OBSL1: variants seen among roughly 807,000 people sequenced by gnomAD.
OBSL1 encodes obscurin-like protein 1.
In OBSL1, 160 loss-of-function variants were observed where a neutral mutation model predicts 172.0. The observed-to-expected ratio is 0.93, with a 90% CI of 0.82 to 1.06. The LOEUF (loss-of-function observed/expected upper bound fraction) is 1.06, where lower values mean the gene tolerates loss of function less well. Among genes scored for constraint, OBSL1 ranks in the 50% least tolerant of loss-of-function variants. OBSL1 has a pLI of 0.00. For missense variants in OBSL1, 2,681 were observed against 2,715.4 expected (o/e 0.99, Z 0.28); for synonymous variants, 1,200 against 1,196.3 (o/e 1.00, Z -0.06).
intron 5 of OBSL1, 45 bp downstream of exon 5, chr2:219,566,785 G>A: frequency 6.6e-7 from 1 of 1,509,628 alleles, no homozygotes; most frequent in African/African-American, 1.4e-5. Context: ...CAGGACTTCT[G>A]TGTCTTGACC....
Position 219,552,515 on chromosome 2 carries a change from A to T in OBSL1, c.5308+21T>A, listed in dbSNP as rs1311241781. 9 of 1,588,352 alleles carry T rather than the reference A, an allele frequency of 5.7e-6. No individual in the cohort carries two copies. In the South Asian group the frequency reaches 7.8e-5, roughly 14 times the overall value. ...TGGGCGGGGCAGCGAGGGGCCCGAA[A>T]GGGTAACCAGGCGGGCAGACCTTCC... is the stretch of plus-strand genomic sequence containing the variant. On this transcript the variant is annotated intron_variant, in intron 18 of 20. Coordinates refer to ENST00000404537, the MANE Select transcript of OBSL1 (RefSeq NM_015311.3).
At chr2:219,555,740 A>C in intron 14 of OBSL1, 3 of 1,333,024 alleles carry the variant, frequency 2.3e-6, no homozygotes, top group Non-Finnish European at 2.9e-6. Context: ...ACATGCCTGA[A>C]GGATGCCCAT....
In OBSL1 at chr2:219,568,024, G is replaced by A. The variant is rs1325627064; in HGVS notation, c.1282+31C>T. 17 of 1,608,814 alleles carry A rather than the reference G, an allele frequency of 1.1e-5. No individual in the cohort carries two copies. Among genetic ancestry groups the A allele is most frequent in the Admixed American group, 5.0e-5 (3 of 59,928 alleles). ...GGAATCTGAGCACCTGCCTGCCTCC[G>A]CCTCAGCCTCTTCCCCACGGGCCAG... On this transcript the variant is annotated intron_variant, in intron 2 of 20. Transcript: ENST00000404537. The surrounding 1 kb of genome is among the most constrained non-coding windows in gnomAD (Gnocchi z 4.1).
chr2:219,557,322 G>T (rs1026719624), intron 12 of OBSL1, 21 bp downstream of exon 12: 1 of 1,467,300 alleles, frequency 6.8e-7, no homozygotes, highest in Middle Eastern at 1.8e-4. Flanking sequence ...AGCCCACAGG[G>T]TGTGAGGGGT....
chr2:219,555,035 G>A (rs1695898477), intron 14 of OBSL1: 1 of 437,772 alleles, frequency 2.3e-6, no homozygotes, highest in Non-Finnish European at 4.1e-6. Context: ...GGAATTTGGA[G>A]TCAGACACAC....
chr2:219,567,040 T>C lies in OBSL1; in HGVS notation c.1924A>G (p.Ile642Val), dbSNP rs756528072. The C allele has an allele frequency of 8.7e-6, 14 of 1,613,378 alleles. No individual in the cohort carries two copies. The South Asian group carries it at 1.3e-4, about 15-fold the overall frequency. The change falls in exon 5 of 21, where the codon ATC (isoleucine) becomes GTC (valine). Residue 642 changes from isoleucine to valine, a missense_variant. By Grantham distance (29) the Ile-to-Val change is conservative. Transcript: ENST00000404537. ...DAVFSLDLST[I>V]IQGTWFLNGE... ...TTAAGGAACCAGGTACCCTGGATGA[T>C]GGTGGAGAGATCGAGGGAGAAGACG... is the stretch of plus-strand genomic sequence containing the variant.
Position 219,555,066 on chromosome 2 carries a change from AC to A in OBSL1, c.4610-327del. ...CACACTAGGAATGGAACCTCGCTCT[AC>A]CACATAGTTTGTGTGCTATGTGATC... On this transcript the variant is annotated intron_variant, in intron 14 of 20. Transcript: ENST00000404537. The A allele has an allele frequency of 2.0e-5, 7 of 354,450 alleles. No homozygotes were observed. The East Asian group carries it at 3.4e-4, about 17-fold the overall frequency. 22.0% of individuals were successfully genotyped at this position (354,450 alleles called of 1,614,324 possible). A position where few individuals can be genotyped will look rare whatever the true frequency, so the allele number is the denominator to read the frequency against.
At chr2:219,563,334 G>C (rs370776324) in intron 7 of OBSL1, 21 bp downstream of exon 7, 2 of 1,544,280 alleles carry the variant, frequency 1.3e-6, no homozygotes, top group South Asian at 2.5e-5. Flanking sequence ...CTGTGCCTCC[G>C]AGGCCCACCT....
At chr2:219,554,890 AAGG>A (rs986078912) in intron 14 of OBSL1, 150 bp from the exon 15 acceptor site, 2 of 796,570 alleles carry the variant, frequency 2.5e-6, no homozygotes, top group South Asian at 1.9e-5. Context: ...TGCAGGAAGA[AAGG>A]AGCACGGTGG....
chr2:219,557,773 ACT>A (rs1479954566), intron 11 of OBSL1, 48 bp downstream of exon 11: 2 of 1,560,568 alleles, frequency 1.3e-6, no homozygotes, highest in Non-Finnish European at 8.6e-7. Context: ...TTGGGGTGCC[ACT>A]CTCAGGCTTG....
chr2:219,547,307 C>T (rs921870430), downstream of OBSL1: 5 of 461,118 alleles, frequency 1.1e-5, no homozygotes, highest in African/African-American at 4.0e-5. Context: ...TGACCACCAA[C>T]AGCCATATCT....
chr2:219,549,499 C>T (rs1574509047), downstream of OBSL1: 67 of 1,254,828 alleles, frequency 5.3e-5, no homozygotes, highest in South Asian at 8.5e-4. Flanking sequence ...GGAGCCCATG[C>T]ACCAGGGGCT....
Position 219,557,511 on chromosome 2 carries a change from C to G in OBSL1, c.3898G>C (p.Val1300Leu). Residue 1300 changes from valine (V) to leucine (L), a missense_variant, in exon 12 of 21, where the codon GTA (valine) becomes CTA (leucine). Physicochemically the swap from Val to Leu is conservative, Grantham distance 32. Coordinates refer to ENST00000404537, the MANE Select transcript of OBSL1 (RefSeq NM_015311.3). ...CGCTCCCCGTCCTTGTACCAGCGTA[C>G]AGGGCCCCCTGGCCCGGAGAGGTGC... The part of the protein sequence containing the change: ...VVHLSGPGGP[V>L]RWYKDGERLA... The G allele has an allele frequency of 6.4e-7, 1 of 1,553,558 alleles. No homozygotes were observed. The highest frequency in any genetic ancestry group is 1.2e-5 in the South Asian group (1 of 84,252).
chr2:219,552,121 C>T lies in OBSL1; in HGVS notation c.5404G>A (p.Glu1802Lys). The T allele has an allele frequency of 6.2e-7, 1 of 1,609,782 alleles. No individual in the cohort carries two copies. Among genetic ancestry groups the T allele is most frequent in the African/African-American group, 1.3e-5 (1 of 75,038 alleles). Reference sequence around the variant, plus strand: ...CACCCCAGGTGCTTACCCTCCACTTCCAGTAGAGCCAGGGACTGGGCGGGC... The same window carrying T: ...CACCCCAGGTGCTTACCCTCCACTTTCAGTAGAGCCAGGGACTGGGCGGGC... ...AGPAQSLALL[E>K]VEALPLQMCR... Residue 1802 changes from glutamate (E) to lysine (K), a missense_variant, in exon 19 of 21, where the codon GAA becomes AAA. Physicochemically the swap from Glu to Lys is moderately conservative, Grantham distance 56. Around this residue, in one of 5 missense-constraint regions of OBSL1, gnomAD observed 1,765 missense variants for 1,748.3 expected, o/e 1.01. Coordinates refer to ENST00000404537, the MANE Select transcript of OBSL1 (RefSeq NM_015311.3).
At position 219,563,530 on chromosome 2, in the gene OBSL1, G is replaced by A. The variant is rs780150065; in HGVS notation, c.2505C>T (p.Asp835=). The change falls in exon 7 of 21, where the codon GAC becomes GAT. Residue 835 remains aspartate, a synonymous_variant. Transcript: ENST00000404537. The part of the protein sequence containing the change: ...VMLACEVDRE[D]APVRWYKDGQ... ...CGTCCTTGTACCAACGCACAGGGGCGTCCTCTCGGTCCACCTCACAGGCCA... is the reference window on the plus strand; with the variant it reads ...CGTCCTTGTACCAACGCACAGGGGCATCCTCTCGGTCCACCTCACAGGCCA... The A allele has an allele frequency of 1.7e-5, 28 of 1,613,598 alleles. No homozygotes were observed. In the East Asian group the frequency reaches 3.3e-4, roughly 19 times the overall value.
rs1399219639 is a variant in OBSL1 at position 219,553,593 on chromosome 2, G to A, written c.4970C>T (p.Ala1657Val). The stretch of plus-strand genomic sequence containing the variant: ...TCTGACCTTCTCCCAGGTAACATCA[G>A]CCAAAGCTTGGGAAAGCTCGCACTC... ...TFECELSQAL[A>V]DVTWEKDGNA... is the part of the protein sequence containing the mutation. The change falls in exon 16 of 21, where the codon GCT becomes GTT. Residue 1657 changes from alanine to valine, a missense_variant. Ala to Val is a moderately conservative substitution (Grantham distance 64). This residue lies in a region of OBSL1 where 1,765 missense variants were observed against 1,748.3 expected (regional missense o/e 1.01). Transcript: ENST00000404537. 3.7e-6 allele frequency: 6 copies of A among 1,613,664 alleles called. No individual in the cohort carries two copies. Among genetic ancestry groups the A allele is most frequent in the Non-Finnish European group, 5.1e-6 (6 of 1,179,816 alleles).
At chr2:219,562,336 T>A (rs1026905235) in intron 8 of OBSL1, 66 bp downstream of exon 8, 26 of 1,569,566 alleles carry the variant, frequency 1.7e-5, no homozygotes, top group Non-Finnish European at 2.1e-5. Context: ...GCTGGGGCTA[T>A]GTGGCCAGCT....
chr2:219,552,869 G>A lies in OBSL1; in HGVS notation c.5145C>T (p.Arg1715=). ...GCCTCCACATCACCCCGTACCCACC[G>A]CGCACGGTCAGGCGGACCGGTCCGG... ...ARAGPVRLTV[R]ERTVAVLSEL... Residue 1715 remains arginine, a splice_region_variant and synonymous_variant, in exon 17 of 21, where the codon CGC becomes CGT. Transcript: ENST00000404537. 6.5e-7 allele frequency: 1 copy of A among 1,542,920 alleles called. No individual in the cohort carries two copies. Among genetic ancestry groups the A allele is most frequent in the Non-Finnish European group, 8.7e-7 (1 of 1,145,386 alleles).
Position 219,556,523 on chromosome 2 carries a change from G to T in OBSL1, c.4267C>A (p.Leu1423Met), listed in dbSNP as rs766846281. The T allele has an allele frequency of 1.2e-6, 2 of 1,613,930 alleles. No homozygotes were observed. Among genetic ancestry groups the T allele is most frequent in the Non-Finnish European group, 1.7e-6 (2 of 1,179,890 alleles). ...AAAGTCACGGTCCCTGCATCCCCCAGTTGGCAGCCTCGCAAGGTTAAGATG... is the reference window on the plus strand; with the variant it reads ...AAAGTCACGGTCCCTGCATCCCCCATTTGGCAGCCTCGCAAGGTTAAGATG... The part of the protein sequence containing the change: ...SRILTLRGCQ[L>M]GDAGTVTLRA... Residue 1423 changes from leucine to methionine, a missense_variant, in exon 13 of 21, where the codon CTG (leucine) becomes ATG (methionine). By Grantham distance (15) the Leu-to-Met change is conservative. Transcript: ENST00000404537.
Sources: allele counts gnomAD v4.1 joint callset, GRCh38; gene constraint gnomAD v4.1.1; regional missense constraint gnomAD v4.1.1; non-coding constraint Gnocchi (gnomAD v3.1); transcripts MANE v1.5; gene names NCBI Gene and HGNC (gene_info 2026-07-23, HGNC 2026-07-21).